Variants in SYNE2 observed in about 807,000 individuals in gnomAD.
SYNE2 encodes spectrin repeat containing nuclear envelope protein 2.
In SYNE2, 431 loss-of-function variants were observed where a neutral mutation model predicts 856.3. The ratio of observed to expected loss-of-function variants is 0.50; its 90% CI spans 0.47 to 0.55. The LOEUF (loss-of-function observed/expected upper bound fraction) is 0.55. SYNE2 is among the 20% of genes least tolerant of loss of function. The probability of loss-of-function intolerance (pLI) is 0.00; values close to 1 mark genes in which losing one functional copy is unlikely to be tolerated. For missense variants in SYNE2, 8,129 were observed against 8,023.2 expected, an observed-to-expected ratio of 1.01 and a Z score of -0.50; for synonymous variants, 2,923 against 2,872.3, an observed-to-expected ratio of 1.02 and a Z score of -0.56.
At chr14:64,152,167 GC>G (rs1185765623) in intron 84 of SYNE2, among the ~76,000 whole-genome samples, 1 of 152,172 alleles carries the variant, frequency 6.6e-6, no homozygotes, top group Non-Finnish European at 1.5e-5. Context: ...GCACCTTCTT[GC>G]TCGTGATTTT....
chr14:64,029,553 G>A (rs879657520), intron 43 of SYNE2, among the ~76,000 whole-genome samples: 2 of 152,158 alleles, frequency 1.3e-5, no homozygotes, highest in Admixed American at 1.3e-4. Flanking sequence ...GGATAATTAA[G>A]GAAGCTGCTT....
chr14:64,185,519 C>CTTTTTTTTTTTTTTTTT (rs66490444), intron 96 of SYNE2, among the ~76,000 whole-genome samples: 63 of 77,340 alleles, frequency 8.1e-4, no homozygotes, highest in Non-Finnish European at 1.1e-3. Context: ...TTTTCTTTTT[C>CTTTTTTTTTTTTTTTTT]TTTTTTTTTT....
At chr14:64,124,992 G>C (rs971826397) in intron 70 of SYNE2, 87 bp from the exon 71 acceptor site, 5 of 1,549,074 alleles carry the variant, frequency 3.2e-6, no homozygotes, top group Admixed American at 3.5e-5. Context: ...GACAGAGCAA[G>C]ACTCCATCTC....
Position 64,175,092 on chromosome 14 carries a change from A to G in SYNE2, c.17384A>G (p.Glu5795Gly). Residue 5795 changes from glutamate to glycine, a missense_variant, in exon 95 of 116, where the codon GAG becomes GGG. By Grantham distance (98) the Glu-to-Gly change is moderately conservative. Around this residue, in one of 3 missense-constraint regions of SYNE2, gnomAD observed 5,410 missense variants for 5,284.8 expected, o/e 1.02. Transcript: ENST00000555002. ...CTTCAGGACAGCTGGAAAGACATGG[A>G]GCCCCAGCTGGCAGAGATGATTAAG... ...SQLQDSWKDMEPQLAEMIKQF... is the reference protein window; with the variant it reads ...SQLQDSWKDMGPQLAEMIKQF... The G allele has an allele frequency of 6.2e-7, 1 of 1,614,166 alleles. No individual in the cohort carries two copies. Among genetic ancestry groups the G allele is most frequent in the Non-Finnish European group, 8.5e-7 (1 of 1,180,012 alleles).
chr14:64,185,346 G>T (rs2098483203), intron 96 of SYNE2, among the ~76,000 whole-genome samples: 8 of 152,072 alleles, frequency 5.3e-5, no homozygotes, highest in Admixed American at 5.2e-4. Flanking sequence ...CTTAAAATGT[G>T]CCAAGTCATG....
chr14:64,160,896 T>C (rs540707239), intron 87 of SYNE2, among the ~76,000 whole-genome samples: 25 of 152,112 alleles, frequency 1.6e-4, no homozygotes, highest in African/African-American at 5.3e-4. Flanking sequence ...ATTACAAATA[T>C]CTTAACTATC....
At chr14:64,104,243 C>G (rs1255519072) in intron 64 of SYNE2, among the ~76,000 whole-genome samples, 1 of 152,088 alleles carries the variant, frequency 6.6e-6, no homozygotes, top group Non-Finnish European at 1.5e-5. Flanking sequence ...TTTTATTAGT[C>G]CTAATCCTTA....
intron 46 of SYNE2, 33 bp downstream of exon 46, chr14:64,048,188 T>A: frequency 6.2e-7 from 1 of 1,605,744 alleles, no homozygotes; most frequent in South Asian, 1.1e-5. Flanking sequence ...ACAACATGAT[T>A]GCATCATTTA....
chr14:64,033,544 G>T (rs536550818), intron 45 of SYNE2, among the ~76,000 whole-genome samples: 2 of 151,846 alleles, frequency 1.3e-5, no homozygotes, highest in East Asian at 3.9e-4. Context: ...AAATTAGCCA[G>T]AGGTGGTGGC....
At chr14:64,199,662 G>A (rs1383292905) in intron 99 of SYNE2, among the ~76,000 whole-genome samples, 4 of 145,996 alleles carry the variant, frequency 2.7e-5, no homozygotes, top group Non-Finnish European at 5.9e-5. Context: ...AGGTTGCAGC[G>A]AGCCCATGTC....
At chr14:63,983,386 A>G (rs368854455) in intron 17 of SYNE2, among the ~76,000 whole-genome samples, 33 of 152,082 alleles carry the variant, frequency 2.2e-4, no homozygotes, top group African/African-American at 8.0e-4. Flanking sequence ...TAATTCTTGA[A>G]CCCTTTTTAC....
chr14:63,878,404 A>G (rs2094777444), intron 1 of SYNE2, among the ~76,000 whole-genome samples: 1 of 152,124 alleles, frequency 6.6e-6, no homozygotes, highest in African/African-American at 2.4e-5. Context: ...GGATTGGTTG[A>G]TTGTCTAGAG....
intron 1 of SYNE2, among the ~76,000 whole-genome samples, chr14:63,779,906 A>C (rs549622775): frequency 9.2e-5 from 14 of 152,160 alleles, no homozygotes; most frequent in Non-Finnish European, 1.9e-4. Flanking sequence ...GCAAGACTCC[A>C]TCTCAAAAAA....
At chr14:64,148,141 G>T (rs1342764674) in intron 84 of SYNE2, among the ~76,000 whole-genome samples, 1 of 152,004 alleles carries the variant, frequency 6.6e-6, no homozygotes, top group Non-Finnish European at 1.5e-5. Flanking sequence ...GTGAGACCCC[G>T]TCTCTACAAA....
In SYNE2 at chr14:64,119,594, G is replaced by A; in HGVS notation, c.13008G>A (p.Lys4336=). Reference sequence around the variant, plus strand: ...AAGTCCAGATGATGCTTCAGGAGAAGCACAGTGAAGATCAGGTAAAAAATG... The same window carrying A: ...AAGTCCAGATGATGCTTCAGGAGAAACACAGTGAAGATCAGGTAAAAAATG... ...LEKVQMMLQE[K]HSEDQHPTIL... Residue 4336 remains lysine, a synonymous_variant, in exon 67 of 116, where the codon AAG becomes AAA. Transcript: ENST00000555002. 2 of 1,614,154 alleles carry A rather than the reference G, an allele frequency of 1.2e-6. No individual in the cohort carries two copies. Among genetic ancestry groups the A allele is most frequent in the Admixed American group, 3.3e-5 (2 of 60,008 alleles).
intron 57 of SYNE2, among the ~76,000 whole-genome samples, chr14:64,083,154 A>G (rs1353018181): frequency 6.6e-6 from 1 of 152,026 alleles, no homozygotes; most frequent in African/African-American, 2.4e-5. Context: ...ACGTTTGAGA[A>G]TCGTTGGCAT....
chr14:64,213,756 A>C (rs768481443), intron 105 of SYNE2, among the ~76,000 whole-genome samples: 1 of 152,134 alleles, frequency 6.6e-6, no homozygotes, highest in African/African-American at 2.4e-5. Flanking sequence ...ACACTGAGCA[A>C]TTAAGTTGGA....
chr14:64,065,774 T>A, intron 51 of SYNE2, 124 bp downstream of exon 51: 1 of 1,014,244 alleles, frequency 9.9e-7, no homozygotes. Context: ...ACATCACTTA[T>A]ACATGATACA....
intron 76 of SYNE2, among the ~76,000 whole-genome samples, chr14:64,130,851 C>G (rs1432394490): frequency 1.3e-5 from 2 of 149,450 alleles, no homozygotes; most frequent in Non-Finnish European, 3.0e-5. Context: ...CGCCCCTGCA[C>G]TCCAGCCTGG....
Sources: gnomAD v4.1 joint callset for allele counts (sites outside exome capture counted in the v4.1 genomes callset) on GRCh38, gnomAD v4.1.1 for gene constraint, gnomAD v4.1.1 regional missense constraint, MANE v1.5 for transcripts, NCBI Gene and HGNC (gene_info 2026-07-23, HGNC 2026-07-21) for gene names.